CLINT1: variants seen among roughly 807,000 people sequenced by gnomAD.
CLINT1 encodes clathrin interactor 1.
In CLINT1, 15 loss-of-function variants were observed where a neutral mutation model predicts 70.4. That is an observed-to-expected ratio of 0.21 (90% confidence interval 0.14 to 0.33). The LOEUF is 0.33. CLINT1 is among the 10% of genes least tolerant of loss of function. The pLI is 1.00. For synonymous variants in CLINT1, 227 were observed against 254.7 expected, an observed-to-expected ratio of 0.89 and a Z score of 1.04; for missense variants, 615 against 778.1, an observed-to-expected ratio of 0.79 and a Z score of 2.49.
At chr5:157,842,470 T>C (rs970058093) in intron 1 of CLINT1, among the ~76,000 whole-genome samples, 29 of 152,186 alleles carry the variant, frequency 1.9e-4, no homozygotes, top group Non-Finnish European at 2.9e-5. Context: ...AAAGGTCTTA[T>C]AATTGTTCTA....
At position 157,792,416 on chromosome 5, in the gene CLINT1, C is replaced by T. The variant is rs1581474105; in HGVS notation, c.1088-421G>A. Among the ~76,000 whole-genome samples, 3 of 152,224 alleles carry T rather than the reference C, an allele frequency of 2.0e-5. No homozygotes were observed. In the East Asian group the frequency reaches 5.8e-4, roughly 29 times the overall value. On this transcript the variant is annotated intron_variant, in intron 9 of 11. Coordinates refer to ENST00000411809, the MANE Select transcript of CLINT1 (RefSeq NM_014666.4). ...CAAAAAAATTAGCTGGGTGTTGTGA[C>T]ACACACCTGTAGTCCCAGCTACTTG...
intron 1 of CLINT1, among the ~76,000 whole-genome samples, chr5:157,828,589 G>A (rs138522253): frequency 0.01 from 1,577 of 152,218 alleles, 13 homozygotes; most frequent in Non-Finnish European, 0.015. Flanking sequence ...TGAAGGGGGA[G>A]CATCTGTTTA....
At chr5:157,842,143 T>C (rs1392892612) in intron 1 of CLINT1, among the ~76,000 whole-genome samples, 1 of 152,238 alleles carries the variant, frequency 6.6e-6, no homozygotes, top group African/African-American at 2.4e-5. Flanking sequence ...CGAATGTTGA[T>C]AATTAAAATC....
chr5:157,831,819 G>A (rs1364660926), intron 1 of CLINT1, among the ~76,000 whole-genome samples: 2 of 151,172 alleles, frequency 1.3e-5, no homozygotes, highest in South Asian at 4.2e-4. Context: ...ACTCTCCTGA[G>A]TAGCTGGGAC....
chr5:157,797,888 T>G (rs980726789), intron 8 of CLINT1, among the ~76,000 whole-genome samples: 1 of 152,232 alleles, frequency 6.6e-6, no homozygotes, highest in African/African-American at 2.4e-5. Context: ...GCAAATAGTA[T>G]TCCTCTCCAT....
At chr5:157,836,971 G>A (rs1763443452) in intron 1 of CLINT1, among the ~76,000 whole-genome samples, 1 of 152,122 alleles carries the variant, frequency 6.6e-6, no homozygotes, top group Non-Finnish European at 1.5e-5. Flanking sequence ...AGTTGCAAAT[G>A]ATCAATAAAT....
chr5:157,830,320 G>C (rs574710035), intron 1 of CLINT1, among the ~76,000 whole-genome samples: 3 of 152,046 alleles, frequency 2.0e-5, no homozygotes, highest in Admixed American at 6.5e-5. Flanking sequence ...TTTGGTATCT[G>C]TTATTTCTTA....
chr5:157,817,727 T>C (rs1762765217), intron 1 of CLINT1, among the ~76,000 whole-genome samples, 180 bp from the exon 2 acceptor site: 1 of 152,218 alleles, frequency 6.6e-6, no homozygotes, highest in Non-Finnish European at 1.5e-5. Flanking sequence ...ACTTAAGTTA[T>C]CTTTAAGCAG....
At chr5:157,839,444 T>C (rs1055544529) in intron 1 of CLINT1, among the ~76,000 whole-genome samples, 4 of 151,732 alleles carry the variant, frequency 2.6e-5, no homozygotes, top group South Asian at 2.1e-4. Flanking sequence ...CTACTAAAAA[T>C]ACAAAAATCA....
intron 11 of CLINT1, 137 bp downstream of exon 11, chr5:157,789,226 A>G: frequency 2.7e-6 from 2 of 744,996 alleles, no homozygotes; most frequent in Non-Finnish European, 4.7e-6. Context: ...TTATGTGAAA[A>G]TATCTTAAGT....
intron 1 of CLINT1, among the ~76,000 whole-genome samples, chr5:157,847,185 A>G (rs1387725917): frequency 6.6e-6 from 1 of 152,168 alleles, no homozygotes; most frequent in Non-Finnish European, 1.5e-5. Flanking sequence ...ACCTTCTGGA[A>G]AGAATTCACC....
intron 1 of CLINT1, 134 bp downstream of exon 1, chr5:157,858,796 G>C: frequency 1.1e-6 from 1 of 940,786 alleles, no homozygotes; most frequent in Non-Finnish European, 1.6e-6. Context: ...CCGGGAAGGA[G>C]CGGGCCGCCG....
chr5:157,826,402 A>C (rs2113247043), intron 1 of CLINT1, among the ~76,000 whole-genome samples: 1 of 152,310 alleles, frequency 6.6e-6, no homozygotes, highest in South Asian at 2.1e-4. Context: ...CTATTGCCAA[A>C]GTTGATGTGT....
At position 157,818,060 on chromosome 5, in the gene CLINT1, T is replaced by G. The variant is rs541600087; in HGVS notation, c.42-513A>C. Among the ~76,000 whole-genome samples, 4 of 152,340 alleles carry G rather than the reference T, an allele frequency of 2.6e-5. No individual in the cohort carries two copies. The South Asian group carries it at 8.3e-4, about 32-fold the overall frequency. On this transcript the variant is annotated intron_variant, in intron 1 of 11. Transcript: ENST00000411809. The stretch of plus-strand genomic sequence containing the variant: ...TAGAACCACTATAAACACTGAACTG[T>G]GATCCTTGAGTCTTTTTTCATTTAC...
intron 2 of CLINT1, 133 bp from the exon 3 acceptor site, chr5:157,816,963 T>C: frequency 1.7e-6 from 1 of 602,274 alleles, no homozygotes; most frequent in Non-Finnish European, 2.8e-6. Context: ...ATTTAGAAGA[T>C]ATGTACTTCC....
rs1174420731 is a variant in CLINT1, at chr5:157,787,031, T to C, written c.*615A>G. The C allele has an allele frequency of 6.6e-6, 1 of 152,634 alleles. No homozygotes were observed. Among genetic ancestry groups the C allele is most frequent in the Non-Finnish European group, 1.5e-5 (1 of 68,058 alleles). 9.5% of individuals were successfully genotyped at this position (152,634 alleles called of 1,614,324 possible). A position where few individuals can be genotyped will look rare whatever the true frequency, so the allele number is the denominator to read the frequency against. ...TCACCAATTGCTTAAAGAGGTTTTGTTACAATAAAAATTTGGATAGTATAA... is the reference window on the plus strand; with the variant it reads ...TCACCAATTGCTTAAAGAGGTTTTGCTACAATAAAAATTTGGATAGTATAA... On this transcript the variant is annotated 3_prime_UTR_variant, in exon 12 of 12. Transcript: ENST00000411809.
At chr5:157,830,796 C>CTCTCTCTCTCTATA (rs1300619885) in intron 1 of CLINT1, among the ~76,000 whole-genome samples, 1 of 85,720 alleles carries the variant, frequency 1.2e-5, no homozygotes, top group East Asian at 3.5e-4. Context: ...CTCTCTCTCT[C>CTCTCTCTCTCTATA]TATATATATA....
intron 6 of CLINT1, 103 bp downstream of exon 6, chr5:157,809,525 G>T: frequency 1.3e-4 from 96 of 747,686 alleles, no homozygotes; most frequent in Non-Finnish European, 1.7e-4. Context: ...CCCAATTTCA[G>T]ATAATGTTAA....
Position 157,791,803 on chromosome 5 carries a change from A to T in CLINT1, c.1280T>A (p.Met427Lys), listed in dbSNP as rs775105603. Reference sequence around the variant, plus strand: ...TGTCATGGTTGCCTGGGACGAGCCCATAAGATCAAACAGGTCTGAAGAATT... The same window carrying T: ...TGTCATGGTTGCCTGGGACGAGCCCTTAAGATCAAACAGGTCTGAAGAATT... ...ASNSSDLFDLMGSSQATMTSS... is the reference protein window; with the variant it reads ...ASNSSDLFDLKGSSQATMTSS... The change falls in exon 10 of 12, where the codon ATG becomes AAG. Residue 427 changes from methionine (M) to lysine (K), a missense_variant. Around this residue, in one of 2 missense-constraint regions of CLINT1, gnomAD observed 374 missense variants for 409.6 expected, o/e 0.91. Coordinates refer to ENST00000411809, the MANE Select transcript of CLINT1 (RefSeq NM_014666.4). 1 of 1,613,896 alleles carries T rather than the reference A, an allele frequency of 6.2e-7. No homozygotes were observed. Among genetic ancestry groups the T allele is most frequent in the African/African-American group, 1.3e-5 (1 of 74,928 alleles).
Sources: allele counts gnomAD v4.1 joint callset (sites outside exome capture counted in the v4.1 genomes callset), GRCh38; gene constraint gnomAD v4.1.1; regional missense constraint gnomAD v4.1.1; transcripts MANE v1.5; gene names NCBI Gene and HGNC (gene_info 2026-07-23, HGNC 2026-07-21).